SLC43A2: variants seen among roughly 807,000 people sequenced by gnomAD.
SLC43A2 encodes large neutral amino acids transporter small subunit 4.
In SLC43A2, 38 loss-of-function variants were observed where a neutral mutation model predicts 63.2. That is an observed-to-expected ratio of 0.60 (90% CI 0.46 to 0.79). SLC43A2 has a LOEUF of 0.79. Among genes scored for constraint, SLC43A2 ranks in the 30% least tolerant of loss-of-function variants. The pLI is 0.00. For synonymous variants in SLC43A2, 322 were observed against 331.0 expected, an observed-to-expected ratio of 0.97 and a Z score of 0.30; for missense variants, 644 against 756.2, an observed-to-expected ratio of 0.85 and a Z score of 1.74.
At chr17:1,586,927 A>ATC in intron 9 of SLC43A2, 1 of 1,355,944 alleles carries the variant, frequency 7.4e-7, no homozygotes. Context: ...TTCCCTGACA[A>ATC]TCCCCCCCAC....
chr17:1,609,720 A>G (rs552715543), intron 5 of SLC43A2, among the ~76,000 whole-genome samples: 123 of 152,268 alleles, frequency 8.1e-4, no homozygotes, highest in African/African-American at 2.6e-3. Flanking sequence ...TTAAAGAATA[A>G]TATACAGAAC....
At chr17:1,628,237 T>G in intron 1 of SLC43A2, 1 of 182,858 alleles carries the variant, frequency 5.5e-6, no homozygotes. Flanking sequence ...GCCGTGGAAC[T>G]AGTCCTGGCC....
chr17:1,625,966 C>T (rs1177860365), intron 2 of SLC43A2, among the ~76,000 whole-genome samples: 3 of 150,626 alleles, frequency 2.0e-5, no homozygotes, highest in Admixed American at 6.7e-5. Flanking sequence ...CCCAATTCTG[C>T]CAAAACCATA....
Position 1,583,290 on chromosome 17 carries a change from T to C in SLC43A2, c.1264A>G (p.Thr422Ala), listed in dbSNP as rs770694504. 5.6e-6 allele frequency: 9 copies of C among 1,614,060 alleles called. No homozygotes were observed. In the South Asian group the frequency reaches 8.8e-5, roughly 16 times the overall value. The change falls in exon 11 of 14, where the codon ACT becomes GCT. Residue 422 changes from threonine to alanine, a missense_variant. Physicochemically the swap from Thr to Ala is moderately conservative, Grantham distance 58. Transcript: ENST00000301335. This position sits in a 1 kb window ranked among gnomAD's most constrained non-coding sequence, Gnocchi z 5.5. The part of the protein sequence containing the change: ...KKRDRQIQKI[T>A]NAMRAFAFTN... ...AAGGCGAAGGCCCGCATGGCATTAG[T>C]GATCTTCTGGATCTGCCGGTCCCGC... is the stretch of plus-strand genomic sequence containing the variant.
rs1361864534 is a variant in SLC43A2 at position 1,572,639 on chromosome 17, G to C, written c.*2965C>G. On this transcript the variant is annotated 3_prime_UTR_variant, in exon 14 of 14. Transcript: ENST00000301335. ...CCTGACTAGGGGGTGGGAGTGCAGG[G>C]GGCACCCGACCCATCTGGCCAGCCA... The C allele has an allele frequency of 1.3e-5, 2 of 152,426 alleles. No homozygotes were observed. Among genetic ancestry groups the C allele is most frequent in the Non-Finnish European group, 2.9e-5 (2 of 68,126 alleles). 9.4% of individuals were successfully genotyped at this position (152,426 alleles called of 1,614,324 possible). A position where few individuals can be genotyped will look rare whatever the true frequency, so the allele number is the denominator to read the frequency against.
At chr17:1,612,872 T>C (rs541122959) in intron 5 of SLC43A2, among the ~76,000 whole-genome samples, 28 of 151,882 alleles carry the variant, frequency 1.8e-4, no homozygotes, top group South Asian at 6.2e-4. Context: ...CTCGGGAGGC[T>C]GAGGCAGGAG....
chr17:1,576,622 C>T lies in SLC43A2; in HGVS notation c.1523G>A (p.Gly508Asp). The T allele has an allele frequency of 6.2e-7, 1 of 1,609,728 alleles. No individual in the cohort carries two copies. The highest frequency in any genetic ancestry group is 1.7e-4 in the Middle Eastern group (1 of 6,058). ...CCACAGAGGGTCTCCCTGGAGAGGA[C>T]CCATCATGGCCAGAAACAGCGGCTG... is the stretch of plus-strand genomic sequence containing the variant. The part of the protein sequence containing the change: ...LQQPLFLAMM[G>D]PLQGDPLWVN... Residue 508 changes from glycine to aspartate, a missense_variant, in exon 13 of 14, where the codon GGT (glycine) becomes GAT (aspartate). By Grantham distance (94) the Gly-to-Asp change is moderately conservative. Coordinates refer to ENST00000301335, the MANE Select transcript of SLC43A2 (RefSeq NM_152346.3).
In SLC43A2 at chr17:1,627,627, T is replaced by C. The variant is rs527535745; in HGVS notation, c.160+88A>G. The stretch of plus-strand genomic sequence containing the variant: ...CTAGAGGCACTGGGCAATGCGGTGC[T>C]GTGGCTCGCTAGGTCTTCGCCCCCA... On this transcript the variant is annotated intron_variant, in intron 2 of 13. Transcript: ENST00000301335. 184 of 986,128 alleles carry C rather than the reference T, an allele frequency of 1.9e-4. No homozygotes were observed. In the African/African-American group the frequency reaches 2.7e-3, roughly 14 times the overall value. The allele number at this position is 986,128 out of a possible 1,614,324, so 61.1% of individuals were successfully genotyped here. A position where few individuals can be genotyped will look rare whatever the true frequency, so the allele number is the denominator to read the frequency against.
At chr17:1,588,948 A>ACGGCACACCCCCTC (rs1174894764) in intron 9 of SLC43A2, among the ~76,000 whole-genome samples, 1 of 152,186 alleles carries the variant, frequency 6.6e-6, no homozygotes, top group African/African-American at 2.4e-5. Context: ...CCTCAGCAGC[A>ACGGCACACCCCCTC]CGGCACACCC....
intron 3 of SLC43A2, among the ~76,000 whole-genome samples, chr17:1,616,204 A>T (rs1007658761): frequency 2.6e-5 from 4 of 152,100 alleles, no homozygotes; most frequent in African/African-American, 9.7e-5. Context: ...TCAGATGGAT[A>T]CTGTGCCAGC....
rs151157948 is a variant in SLC43A2, at chr17:1,598,597, C to T, written c.502-5318G>A. The stretch of plus-strand genomic sequence containing the variant: ...TTTTCAACAGAGCTAGAGAATGTTC[C>T]GGAAAAGCAGAGAGCTTGCTAGCTA... On this transcript the variant is annotated intron_variant, in intron 5 of 13. Transcript: ENST00000301335. Among the ~76,000 whole-genome samples the T allele has an allele frequency of 6.4e-4, 98 of 152,218 alleles. 3 individuals carry two copies. The highest frequency in any genetic ancestry group is 2.9e-3 in the Admixed American group (44 of 15,276).
At chr17:1,613,400 G>A (rs959382166) in intron 4 of SLC43A2, 129 bp from the exon 5 acceptor site, 2 of 716,012 alleles carry the variant, frequency 2.8e-6, no homozygotes, top group Non-Finnish European at 4.9e-6. Flanking sequence ...GTTAGTACCT[G>A]ACATCTGGGG....
chr17:1,579,829 C>A (rs1035061866), intron 11 of SLC43A2, among the ~76,000 whole-genome samples: 4 of 151,980 alleles, frequency 2.6e-5, no homozygotes, highest in Admixed American at 2.0e-4. Flanking sequence ...GGGAGTGAGA[C>A]CCTGTCTCAA....
intron 5 of SLC43A2, among the ~76,000 whole-genome samples, chr17:1,607,941 C>T (rs1365503245): frequency 6.6e-6 from 1 of 152,182 alleles, no homozygotes; most frequent in Non-Finnish European, 1.5e-5. Context: ...CTCTCAAACT[C>T]ATGAGCTCAG....
At chr17:1,581,458 T>G (rs1241253247) in intron 11 of SLC43A2, among the ~76,000 whole-genome samples, 2 of 152,228 alleles carry the variant, frequency 1.3e-5, no homozygotes, top group Admixed American at 1.3e-4. Context: ...CACGGCCCGC[T>G]GCGCTCTGCA....
In SLC43A2 at chr17:1,575,622, G is replaced by T; in HGVS notation, c.1692C>A (p.Asn564Lys). 1 of 1,614,010 alleles carries T rather than the reference G, an allele frequency of 6.2e-7. No individual in the cohort carries two copies. Among genetic ancestry groups the T allele is most frequent in the East Asian group, 2.2e-5 (1 of 44,878 alleles). Residue 564 changes from asparagine to lysine, a missense_variant, in exon 14 of 14, where the codon AAC becomes AAA. Coordinates refer to ENST00000301335, the MANE Select transcript of SLC43A2 (RefSeq NM_152346.3). ...KLFLKINGSS[N>K]QEAFV ...GCAGCCACTACACGAAGGCCTCCTG[G>T]TTGGACGAGCCGTTGATTTTGAGGA... is the stretch of plus-strand genomic sequence containing the variant.
chr17:1,624,039 G>A (rs1414022924), intron 2 of SLC43A2, among the ~76,000 whole-genome samples: 1 of 152,200 alleles, frequency 6.6e-6, no homozygotes, highest in Non-Finnish European at 1.5e-5. Flanking sequence ...GGAATTATAC[G>A]GGTTACACAG....
At chr17:1,618,712 T>G (rs1332547636) in intron 2 of SLC43A2, among the ~76,000 whole-genome samples, 1 of 152,214 alleles carries the variant, frequency 6.6e-6, no homozygotes, top group African/African-American at 2.4e-5. Flanking sequence ...GGGCCAGGTG[T>G]GGCGGCTCAT....
At position 1,605,050 on chromosome 17, in the gene SLC43A2, G is replaced by A. The variant is rs1255304371; in HGVS notation, c.501+8145C>T. 3.5e-6 allele frequency: 5 copies of A among 1,412,776 alleles called. No homozygotes were observed. In the South Asian group the frequency reaches 4.5e-5, roughly 13 times the overall value. The allele number at this position is 1,412,776 out of a possible 1,614,324, so 87.5% of individuals were successfully genotyped here. A position where few individuals can be genotyped will look rare whatever the true frequency, so the allele number is the denominator to read the frequency against. On this transcript the variant is annotated intron_variant, in intron 5 of 13. Coordinates refer to ENST00000301335, the MANE Select transcript of SLC43A2 (RefSeq NM_152346.3). The surrounding 1 kb of genome is among the most constrained non-coding windows in gnomAD (Gnocchi z 4.9). ...CAGCTTTGCTGCCAAGCAGGAAGCCGGAGCTGTTTCCTGACTCACCACCAC... is the reference window on the plus strand; with the variant it reads ...CAGCTTTGCTGCCAAGCAGGAAGCCAGAGCTGTTTCCTGACTCACCACCAC...
Sources: gnomAD v4.1 joint callset for allele counts (sites outside exome capture counted in the v4.1 genomes callset) on GRCh38, gnomAD v4.1.1 for gene constraint, Gnocchi (gnomAD v3.1) non-coding constraint, MANE v1.5 for transcripts, NCBI Gene and HGNC (gene_info 2026-07-23, HGNC 2026-07-21) for gene names.